The following CDH13 variants were observed in gnomAD, a reference collection of about 807,000 sequenced individuals.
CDH13 encodes cadherin-13.
A neutral mutation model predicts 63.8 loss-of-function variants in CDH13; 24 were observed. The observed-to-expected ratio is 0.38, with a 90% CI of 0.27 to 0.53. CDH13 has a LOEUF of 0.53. Among genes scored for constraint, CDH13 ranks in the 20% least tolerant of loss-of-function variants. The probability of loss-of-function intolerance (pLI) is 0.85; values close to 1 mark genes in which losing one functional copy is unlikely to be tolerated. For missense variants in CDH13, 1,049 were observed against 903.1 expected (o/e 1.16, Z -2.07); for synonymous variants, 503 against 355.3 (o/e 1.42, Z -4.67).
intron 11 of CDH13, among the ~76,000 whole-genome samples, chr16:83,758,658 G>A (rs986504456): frequency 6.6e-6 from 1 of 152,116 alleles, no homozygotes; most frequent in Non-Finnish European, 1.5e-5. Context: ...AATTTTCAGA[G>A]AATCTATTAC....
intron 5 of CDH13, among the ~76,000 whole-genome samples, chr16:83,248,126 C>T (rs1056654196): frequency 1.3e-5 from 2 of 152,026 alleles, no homozygotes; most frequent in Non-Finnish European, 2.9e-5. Context: ...GATGTGAACA[C>T]CACGGGAACC....
intron 1 of CDH13, among the ~76,000 whole-genome samples, chr16:82,758,850 C>A (rs1416899625): frequency 6.6e-6 from 1 of 152,184 alleles, no homozygotes; most frequent in South Asian, 2.1e-4. Context: ...AGTTAGCATA[C>A]TTCAGTTTTC....
chr16:83,376,903 A>G (rs2091470104), intron 6 of CDH13, among the ~76,000 whole-genome samples: 1 of 152,174 alleles, frequency 6.6e-6, no homozygotes, highest in Non-Finnish European at 1.5e-5. Flanking sequence ...TCACTCTGAT[A>G]GAAGCCAGCA....
chr16:83,284,582 C>T (rs1355544018), intron 5 of CDH13, among the ~76,000 whole-genome samples: 2 of 152,116 alleles, frequency 1.3e-5, no homozygotes, highest in Non-Finnish European at 2.9e-5. Flanking sequence ...CATTTCCTAA[C>T]TACCAGCCGT....
chr16:82,903,976 A>C (rs927106601), intron 2 of CDH13, among the ~76,000 whole-genome samples: 1 of 152,024 alleles, frequency 6.6e-6, no homozygotes, highest in African/African-American at 2.4e-5. Flanking sequence ...CTCTCTCCCT[A>C]TTCTTCTGGA....
intron 8 of CDH13, among the ~76,000 whole-genome samples, chr16:83,633,439 T>C (rs1910959797): frequency 6.6e-6 from 1 of 152,212 alleles, no homozygotes; most frequent in Non-Finnish European, 1.5e-5. Flanking sequence ...ACATCAGTGT[T>C]TTGAAACTCC....
intron 7 of CDH13, among the ~76,000 whole-genome samples, chr16:83,487,309 G>A (rs1012476119): frequency 6.6e-5 from 10 of 152,248 alleles, no homozygotes; most frequent in African/African-American, 1.9e-4. Flanking sequence ...TAGATTTCAC[G>A]TTTCTGTTTT....
chr16:83,534,642 A>C (rs1206393395), intron 7 of CDH13, among the ~76,000 whole-genome samples: 1 of 152,232 alleles, frequency 6.6e-6, no homozygotes, highest in Non-Finnish European at 1.5e-5. Flanking sequence ...TCCATATGAT[A>C]GCAGAGGTCA....
intron 7 of CDH13, among the ~76,000 whole-genome samples, chr16:83,540,653 C>G (rs557523911): frequency 6.6e-6 from 1 of 152,306 alleles, no homozygotes; most frequent in South Asian, 2.1e-4. Flanking sequence ...TAGTAACTGT[C>G]CTAATGACAT....
intron 1 of CDH13, among the ~76,000 whole-genome samples, chr16:82,657,170 A>G (rs1036906274): frequency 1.4e-5 from 2 of 146,542 alleles, no homozygotes; most frequent in East Asian, 3.9e-4. Context: ...CCCTACATAC[A>G]TTATGTTTTT....
chr16:82,893,270 C>A (rs531544807), intron 2 of CDH13, among the ~76,000 whole-genome samples: 5 of 152,354 alleles, frequency 3.3e-5, no homozygotes, highest in African/African-American at 1.2e-4. Context: ...TTGGCATCAG[C>A]AGTTTTGATA....
intron 5 of CDH13, among the ~76,000 whole-genome samples, chr16:83,297,921 G>C (rs2089639915): frequency 1.3e-5 from 2 of 151,730 alleles, no homozygotes; most frequent in African/African-American, 4.8e-5. Flanking sequence ...AAATAAGAAA[G>C]AAGATGGAAC....
chr16:83,734,993 G>T (rs1911400555), intron 10 of CDH13, among the ~76,000 whole-genome samples: 1 of 73,188 alleles, frequency 1.4e-5, no homozygotes, highest in African/African-American at 5.5e-5. Flanking sequence ...CAATTTCTGT[G>T]GTTATTCAAA....
intron 8 of CDH13, among the ~76,000 whole-genome samples, chr16:83,617,715 T>G (rs1165246344): frequency 6.6e-6 from 1 of 151,644 alleles, no homozygotes; most frequent in Non-Finnish European, 1.5e-5. Flanking sequence ...CATATTCTAT[T>G]CTAATATATA....
chr16:83,503,191 G>A (rs918664598), intron 7 of CDH13, among the ~76,000 whole-genome samples: 1 of 152,234 alleles, frequency 6.6e-6, no homozygotes, highest in African/African-American at 2.4e-5. Flanking sequence ...GATTCAAGTA[G>A]TGTTGAGAAA....
At chr16:83,264,237 G>A (rs1273316472) in intron 5 of CDH13, among the ~76,000 whole-genome samples, 1 of 152,016 alleles carries the variant, frequency 6.6e-6, no homozygotes, top group African/African-American at 2.4e-5. Flanking sequence ...CCTGTTCAAT[G>A]GGAATTTAAG....
At chr16:83,062,656 A>T in intron 3 of CDH13, among the ~76,000 whole-genome samples, 1 of 152,176 alleles carries the variant, frequency 6.6e-6, no homozygotes, top group East Asian at 1.9e-4. Context: ...ACAGTCATAA[A>T]AGCAGGTAGA....
rs1331370584 is a variant in CDH13 at position 83,513,854 on chromosome 16, T to C, written c.960+27199T>C. 2.0e-5 allele frequency among the ~76,000 whole-genome samples: 3 copies of C among 152,136 alleles called. No individual in the cohort carries two copies. In the East Asian group the frequency reaches 5.8e-4, roughly 29 times the overall value. ...ACCATAATAGGCCGCAGATCACCTT[T>C]ATTGCCAGCCTCTCTAGTCCCCAAG... On this transcript the variant is annotated intron_variant, in intron 7 of 13. Coordinates refer to ENST00000567109, the MANE Select transcript of CDH13 (RefSeq NM_001257.5).
intron 6 of CDH13, among the ~76,000 whole-genome samples, chr16:83,403,836 A>G (rs2151446211): frequency 6.6e-6 from 1 of 152,294 alleles, no homozygotes; most frequent in Admixed American, 6.5e-5. Flanking sequence ...GTATTCTATC[A>G]TGACTTTAAT....
Sources: allele counts gnomAD v4.1 joint callset (sites outside exome capture counted in the v4.1 genomes callset), GRCh38; gene constraint gnomAD v4.1.1; transcripts MANE v1.5; gene names NCBI Gene and HGNC (gene_info 2026-07-23, HGNC 2026-07-21).